The following POLR2B variants were observed in gnomAD, a reference collection of about 807,000 sequenced individuals.
POLR2B encodes RNA polymerase II subunit B.
A neutral mutation model predicts 144.6 loss-of-function variants in POLR2B; 57 were observed. The observed-to-expected ratio is 0.39, with a 90% confidence interval of 0.32 to 0.49. The LOEUF (loss-of-function observed/expected upper bound fraction) is 0.49, where lower values mean the gene tolerates loss of function less well. Among genes scored for constraint, POLR2B ranks in the 20% least tolerant of loss-of-function variants. The probability of loss-of-function intolerance (pLI) is 0.83; values close to 1 mark genes in which losing one functional copy is unlikely to be tolerated. For missense variants in POLR2B, 595 were observed against 1,467.4 expected, an observed-to-expected ratio of 0.41 and a Z score of 9.71; for synonymous variants, 442 against 469.8, an observed-to-expected ratio of 0.94 and a Z score of 0.77.
chr4:56,997,713 A>T (rs115229586), intron 6 of POLR2B, among the ~76,000 whole-genome samples: 47 of 152,352 alleles, frequency 3.1e-4, no homozygotes, highest in African/African-American at 1.1e-3. Context: ...TGGATGAAGT[A>T]TGTTGAATAG....
chr4:56,993,159 G>A (rs1047652246), intron 3 of POLR2B, among the ~76,000 whole-genome samples: 1 of 151,726 alleles, frequency 6.6e-6, no homozygotes, highest in Admixed American at 6.6e-5. Flanking sequence ...ACAAAAATTA[G>A]CCGGGCCTGG....
intron 16 of POLR2B, among the ~76,000 whole-genome samples, chr4:57,018,670 GGTCAA>G (rs1289425087): frequency 6.6e-6 from 1 of 151,988 alleles, no homozygotes; most frequent in Non-Finnish European, 1.5e-5. Context: ...TTTGAAAGAC[GGTCAA>G]GTCTAGAGAT....
At chr4:56,998,222 T>A (rs1305503494) in intron 6 of POLR2B, among the ~76,000 whole-genome samples, 1 of 125,512 alleles carries the variant, frequency 8.0e-6, no homozygotes, top group Non-Finnish European at 1.8e-5. Context: ...TTTCTTTAAA[T>A]TTTTTTTTTT....
chr4:56,986,737 T>G (rs1253144252), intron 2 of POLR2B: 1 of 191,082 alleles, frequency 5.2e-6, no homozygotes, highest in Non-Finnish European at 1.1e-5. Context: ...GAGGTTACAG[T>G]GAGCGAAGGT....
chr4:57,023,299 T>G lies in POLR2B; in HGVS notation c.2516-31T>G, dbSNP rs1723610790. On this transcript the variant is annotated intron_variant, in intron 18 of 24. Coordinates refer to ENST00000314595, the MANE Select transcript of POLR2B (RefSeq NM_000938.3). This position sits in a 1 kb window ranked among gnomAD's most constrained non-coding sequence, Gnocchi z 4.3. ...GTGGTTTTTAATCTTTGTTGGGGAT[T>G]ATGTGACATTCCGTGTCTATTTCCT... 5 of 1,610,900 alleles carry G rather than the reference T, an allele frequency of 3.1e-6. No homozygotes were observed. In the Admixed American group the frequency reaches 8.4e-5, roughly 27 times the overall value.
intron 3 of POLR2B, 127 bp downstream of exon 3, chr4:56,991,025 GTCAATCACTT>G (rs66881951): frequency 3.4e-6 from 2 of 593,338 alleles, no homozygotes; most frequent in Non-Finnish European, 5.6e-6. Flanking sequence ...TTACAGCACC[GTCAATCACTT>G]TCTGATTTAT....
At position 57,005,581 on chromosome 4, in the gene POLR2B, T is replaced by TC. The variant is rs1722992267; in HGVS notation, c.1098-18dup. ...TAAGTGTTTTCCCTCTTTCTTTCTT[T>TC]CTTTTTTTTTTTTTAAAGATACATG... On this transcript the variant is annotated intron_variant, in intron 8 of 24. Transcript: ENST00000314595. The TC allele has an allele frequency of 2.1e-6, 3 of 1,447,188 alleles. No individual in the cohort carries two copies. Among genetic ancestry groups the TC allele is most frequent in the Non-Finnish European group, 2.7e-6 (3 of 1,093,006 alleles). 89.6% of individuals were successfully genotyped at this position (1,447,188 alleles called of 1,614,324 possible).
At chr4:57,004,053 G>A (rs1174666853) in intron 7 of POLR2B, among the ~76,000 whole-genome samples, 5 of 106,670 alleles carry the variant, frequency 4.7e-5, no homozygotes, top group African/African-American at 1.9e-4. Flanking sequence ...TTGAGATGAA[G>A]TCTCACTCTG....
chr4:57,022,188 TA>T lies in POLR2B; in HGVS notation c.2463del (p.Gly822AspfsTer19). The part of the protein sequence containing the change: ...FYRSYKEQES[K>X]KGFDQEEVFE... ...ATCGCTCATACAAAGAACAGGAGTC[TA>T]AAAAAGGATTTGATCAAGAAGAAGT... On this transcript the variant is annotated frameshift_variant, in exon 18 of 25. Transcript: ENST00000314595. LOFTEE classifies it high-confidence loss of function. 1 of 1,612,384 alleles carries T rather than the reference TA, an allele frequency of 6.2e-7. No individual in the cohort carries two copies. The highest frequency in any genetic ancestry group is 8.5e-7 in the Non-Finnish European group (1 of 1,178,544).
At chr4:57,026,426 A>C (rs1177019412) in intron 23 of POLR2B, among the ~76,000 whole-genome samples, 1 of 151,962 alleles carries the variant, frequency 6.6e-6, no homozygotes, top group African/African-American at 2.4e-5. Context: ...TTCTCCTATA[A>C]ATTTTTCAGT....
intron 7 of POLR2B, among the ~76,000 whole-genome samples, chr4:57,000,524 T>C (rs1578569814): frequency 6.6e-6 from 1 of 152,214 alleles, no homozygotes; most frequent in South Asian, 2.1e-4. Flanking sequence ...TGCTTTATCA[T>C]TCATTCTTTC....
rs1723036606 is a variant in POLR2B, at chr4:57,006,911, G to A, written c.1313G>A (p.Arg438Gln). The change falls in exon 10 of 25, where the codon CGG becomes CAG. Residue 438 changes from arginine (R) to glutamine (Q), a missense_variant. Transcript: ENST00000314595. ...DFNLELAIKTRIISDGLKYSL... is the reference protein window; with the variant it reads ...DFNLELAIKTQIISDGLKYSL... ...AACTTGGAGTTGGCAATTAAAACAC[G>A]GATCATATCTGATGGCCTAAAATAC... is the stretch of plus-strand genomic sequence containing the variant. 1.2e-6 allele frequency: 2 copies of A among 1,612,738 alleles called. No homozygotes were observed. The highest frequency in any genetic ancestry group is 1.3e-5 in the African/African-American group (1 of 74,862).
chr4:56,988,743 A>G (rs922026551), intron 2 of POLR2B, among the ~76,000 whole-genome samples: 10 of 152,246 alleles, frequency 6.6e-5, no homozygotes, highest in African/African-American at 2.4e-4. Context: ...TGAGACAGTT[A>G]CATCTTCTGT....
intron 6 of POLR2B, among the ~76,000 whole-genome samples, chr4:56,996,280 T>TTA (rs1722685004): frequency 2.9e-5 from 1 of 34,030 alleles, no homozygotes; most frequent in African/African-American, 9.8e-5. Context: ...ATATATATAT[T>TTA]TTTTTTTTTT....
At chr4:56,995,631 G>A (rs1245352611) in intron 6 of POLR2B, among the ~76,000 whole-genome samples, 2 of 152,134 alleles carry the variant, frequency 1.3e-5, no homozygotes, top group African/African-American at 4.8e-5. Flanking sequence ...TGGGTCTTTT[G>A]GCCAAGCAAC....
chr4:57,014,134 G>A (rs1723288561), intron 13 of POLR2B, among the ~76,000 whole-genome samples: 1 of 152,134 alleles, frequency 6.6e-6, no homozygotes, highest in African/African-American at 2.4e-5. Flanking sequence ...CAGTAGACTA[G>A]GAACTTGGAA....
chr4:56,996,206 A>ATATGTGTGTG (rs71889513), intron 6 of POLR2B, among the ~76,000 whole-genome samples: 12 of 115,344 alleles, frequency 1.0e-4, no homozygotes, highest in Admixed American at 5.3e-4. Context: ...ATTTCAGTTC[A>ATATGTGTGTG]TGTGTGTGTG....
chr4:56,985,369 C>T (rs1023698439), intron 1 of POLR2B: 6 of 985,216 alleles, frequency 6.1e-6, no homozygotes, highest in East Asian at 1.1e-4. Flanking sequence ...GTGGTAGCCG[C>T]GAGGGACGGG....
At chr4:57,019,743 G>T in intron 16 of POLR2B, among the ~76,000 whole-genome samples, 1 of 107,696 alleles carries the variant, frequency 9.3e-6, no homozygotes. Flanking sequence ...AATTTTGCCA[G>T]TTGTCCTAAT....
Sources: gnomAD v4.1 joint callset for allele counts (sites outside exome capture counted in the v4.1 genomes callset) on GRCh38, gnomAD v4.1.1 for gene constraint, Gnocchi (gnomAD v3.1) non-coding constraint, MANE v1.5 for transcripts, NCBI Gene and HGNC (gene_info 2026-07-23, HGNC 2026-07-21) for gene names.